Variants in HS3ST4 observed in about 807,000 individuals in gnomAD.
HS3ST4 encodes the protein heparan sulfate-glucosamine 3-sulfotransferase 4.
A neutral mutation model predicts 29.2 loss-of-function variants in HS3ST4; 17 were observed. That is an observed-to-expected ratio of 0.58 (90% CI 0.40 to 0.87). The LOEUF (loss-of-function observed/expected upper bound fraction) is 0.87, where lower values mean the gene tolerates loss of function less well. HS3ST4 is among the 40% of genes least tolerant of loss of function. The probability of loss-of-function intolerance (pLI) is 0.00; values close to 1 mark genes in which losing one functional copy is unlikely to be tolerated. For synonymous variants in HS3ST4, 314 were observed against 285.7 expected (o/e 1.10, Z -1.00); for missense variants, 627 against 634.5 (o/e 0.99, Z 0.13).
intron 1 of HS3ST4, among the ~76,000 whole-genome samples, chr16:26,051,483 G>T (rs1041545002): frequency 2.0e-5 from 3 of 151,988 alleles, no homozygotes; most frequent in African/African-American, 7.3e-5. Context: ...AACAGACCCT[G>T]AGTGGTCAAT....
At chr16:25,745,261 T>C (rs760658020) in intron 1 of HS3ST4, among the ~76,000 whole-genome samples, 2 of 152,096 alleles carry the variant, frequency 1.3e-5, no homozygotes, top group Admixed American at 1.3e-4. Context: ...TGGCCACACA[T>C]TTTTGTTGAT....
At chr16:25,920,115 T>C (rs1439284858) in intron 1 of HS3ST4, among the ~76,000 whole-genome samples, 1 of 152,168 alleles carries the variant, frequency 6.6e-6, no homozygotes, top group Non-Finnish European at 1.5e-5. Context: ...AATGTCAGTG[T>C]TGGTGATCGG....
intron 1 of HS3ST4, among the ~76,000 whole-genome samples, chr16:25,995,425 C>G (rs1312497423): frequency 6.6e-6 from 1 of 152,170 alleles, no homozygotes; most frequent in Non-Finnish European, 1.5e-5. Flanking sequence ...CAGGTTGGCT[C>G]TGTGCACAAG....
At chr16:25,954,439 T>C (rs1203085668) in intron 1 of HS3ST4, among the ~76,000 whole-genome samples, 1 of 152,094 alleles carries the variant, frequency 6.6e-6, no homozygotes, top group Non-Finnish European at 1.5e-5. Flanking sequence ...CACTCCTTAA[T>C]AGGGTGTCTG....
intron 1 of HS3ST4, among the ~76,000 whole-genome samples, chr16:25,749,195 A>G (rs1220782533): frequency 6.6e-6 from 1 of 152,180 alleles, no homozygotes; most frequent in African/African-American, 2.4e-5. Context: ...AGGCTGATTA[A>G]GAAGCTGGGG....
In HS3ST4 at chr16:25,771,334, A is replaced by G. The variant is rs114805850; in HGVS notation, c.734+78183A>G. The stretch of plus-strand genomic sequence containing the variant: ...AAACCTCTGGAGCCTGTTCTTAGAA[A>G]CTACCATCTGGCCACCATGTTGCAA... On this transcript the variant is annotated intron_variant, in intron 1 of 1. Coordinates refer to ENST00000331351, the MANE Select transcript of HS3ST4 (RefSeq NM_006040.3). Among the ~76,000 whole-genome samples the G allele has an allele frequency of 3.1e-3, 473 of 152,086 alleles. 3 individuals are homozygous for G. The highest frequency in any genetic ancestry group is 0.011 in the African/African-American group (449 of 41,486).
At chr16:25,988,586 T>C (rs531716131) in intron 1 of HS3ST4, among the ~76,000 whole-genome samples, 1 of 152,300 alleles carries the variant, frequency 6.6e-6, no homozygotes. Flanking sequence ...AGTTTTTTAT[T>C]TTGTTTTTGT....
intron 1 of HS3ST4, among the ~76,000 whole-genome samples, chr16:25,786,294 C>T (rs922558284): frequency 9.2e-5 from 14 of 152,022 alleles, no homozygotes; most frequent in African/African-American, 1.2e-4. Flanking sequence ...TATCAGATAC[C>T]GACTGGAGTC....
In HS3ST4 at chr16:26,092,242, G is replaced by A. The variant is rs192571432; in HGVS notation, c.735-43370G>A. Among the ~76,000 whole-genome samples the A allele has an allele frequency of 2.0e-4, 30 of 152,268 alleles. No homozygotes were observed. In the East Asian group the frequency reaches 4.4e-3, roughly 23 times the overall value. On this transcript the variant is annotated intron_variant, in intron 1 of 1. Transcript: ENST00000331351. ...TACACTTCTCTGGGCAGAAAAAAAC[G>A]TGGCAAAGAATTGGCCAAAATAGCC...
intron 1 of HS3ST4, among the ~76,000 whole-genome samples, chr16:26,011,483 G>A (rs1183324694): frequency 6.6e-6 from 1 of 152,104 alleles, no homozygotes; most frequent in Non-Finnish European, 1.5e-5. Flanking sequence ...GTGCTTGAAC[G>A]CAGGATGCAG....
At chr16:26,008,765 T>C (rs1244310458) in intron 1 of HS3ST4, among the ~76,000 whole-genome samples, 1 of 152,096 alleles carries the variant, frequency 6.6e-6, no homozygotes, top group Admixed American at 6.5e-5. Flanking sequence ...GCTGCAGTGA[T>C]CCAAGATCAC....
chr16:25,812,533 A>G (rs1197955272), intron 1 of HS3ST4, among the ~76,000 whole-genome samples: 1 of 152,156 alleles, frequency 6.6e-6, no homozygotes, highest in African/African-American at 2.4e-5. Context: ...CATGACACCA[A>G]ATTCTTCTTA....
At chr16:26,041,318 C>T (rs897171115) in intron 1 of HS3ST4, among the ~76,000 whole-genome samples, 14 of 152,118 alleles carry the variant, frequency 9.2e-5, no homozygotes, top group African/African-American at 3.4e-4. Flanking sequence ...CCAGCTTGGG[C>T]AACAGAGTGA....
At chr16:25,857,634 T>C (rs544202983) in intron 1 of HS3ST4, among the ~76,000 whole-genome samples, 1 of 152,324 alleles carries the variant, frequency 6.6e-6, no homozygotes, top group Non-Finnish European at 1.5e-5. Context: ...TAGGGCTTTC[T>C]ATTGTGTCTT....
intron 1 of HS3ST4, among the ~76,000 whole-genome samples, chr16:26,112,246 GTGTA>G (rs1433950750): frequency 9.8e-4 from 94 of 96,126 alleles, no homozygotes; most frequent in African/African-American, 3.3e-3. Flanking sequence ...GTGTGTGTGT[GTGTA>G]TGTGTGTGTG....
chr16:26,089,282 C>T (rs1299644993), intron 1 of HS3ST4, among the ~76,000 whole-genome samples: 1 of 152,222 alleles, frequency 6.6e-6, no homozygotes, highest in Non-Finnish European at 1.5e-5. Flanking sequence ...TGAAGGTTGA[C>T]TTCTTCATGC....
At chr16:25,909,297 T>C (rs900580021) in intron 1 of HS3ST4, among the ~76,000 whole-genome samples, 4 of 152,156 alleles carry the variant, frequency 2.6e-5, no homozygotes, top group Non-Finnish European at 4.4e-5. Flanking sequence ...CGAGCGATTC[T>C]CCTTCCTCAG....
intron 1 of HS3ST4, among the ~76,000 whole-genome samples, chr16:26,079,832 C>T (rs530616574): frequency 1.2e-4 from 18 of 152,100 alleles, no homozygotes; most frequent in African/African-American, 2.4e-4. Context: ...GGCTTTAGCA[C>T]GGGAGCGGAC....
chr16:25,972,364 A>G (rs956041653), intron 1 of HS3ST4, among the ~76,000 whole-genome samples: 1 of 152,204 alleles, frequency 6.6e-6, no homozygotes, highest in Admixed American at 6.5e-5. Flanking sequence ...GCCAGGCACT[A>G]CTTGTAGGCC....
Sources: gnomAD v4.1 joint callset for allele counts (sites outside exome capture counted in the v4.1 genomes callset) on GRCh38, gnomAD v4.1.1 for gene constraint, MANE v1.5 for transcripts, NCBI Gene and HGNC (gene_info 2026-07-23, HGNC 2026-07-21) for gene names.